The following RALGAPA2 variants were observed in gnomAD, a reference collection of about 807,000 sequenced individuals.
The protein encoded by RALGAPA2 is ral GTPase-activating protein subunit alpha-2.
A neutral mutation model predicts 230.4 loss-of-function variants in RALGAPA2; 139 were observed. That is an observed-to-expected ratio of 0.60 (90% CI 0.53 to 0.69). The LOEUF is 0.69. Among genes scored for constraint, RALGAPA2 ranks in the 30% least tolerant of loss-of-function variants. The pLI, the probability that RALGAPA2 is intolerant of heterozygous loss-of-function variation, is 0.00. For missense variants in RALGAPA2, 2,163 were observed against 2,276.0 expected (o/e 0.95, Z 1.01); for synonymous variants, 847 against 837.8 (o/e 1.01, Z -0.19).
At chr20:20,639,737 C>T (rs768811040) in intron 7 of RALGAPA2, 48 bp downstream of exon 7, 19 of 1,282,204 alleles carry the variant, frequency 1.5e-5, no homozygotes, top group Non-Finnish European at 2.0e-5. Context: ...TTTCCTCTTC[C>T]TGCTGAGAAT....
intron 37 of RALGAPA2, among the ~76,000 whole-genome samples, chr20:20,417,767 T>C (rs2060195047): frequency 6.6e-6 from 1 of 152,146 alleles, no homozygotes; most frequent in Non-Finnish European, 1.5e-5. Context: ...GCACCCCACA[T>C]AATATTTACT....
At position 20,472,831 on chromosome 20, in the gene RALGAPA2, G is replaced by A. The variant is rs1404833986; in HGVS notation, c.5493C>T (p.Ser1831=). 6.2e-7 allele frequency: 1 copy of A among 1,610,656 alleles called. No individual in the cohort carries two copies. The highest frequency in any genetic ancestry group is 8.5e-7 in the Non-Finnish European group (1 of 1,178,958). ...ACACATTTAAAGCAAAAAGATACAA[G>A]CTCTGGTAGAGTGGGATGAGGCACT... The part of the protein sequence containing the change: ...AVKCLIPLYQ[S]FYEERALYLE... The change falls in exon 37 of 40, where the codon AGC becomes AGT. Residue 1831 remains serine (S), a splice_region_variant and synonymous_variant. Coordinates refer to ENST00000202677, the MANE Select transcript of RALGAPA2 (RefSeq NM_020343.4).
At chr20:20,652,397 A>C (rs1420401536) in intron 4 of RALGAPA2, among the ~76,000 whole-genome samples, 1 of 152,088 alleles carries the variant, frequency 6.6e-6, no homozygotes, top group African/African-American at 2.4e-5. Flanking sequence ...CTTTTTTGTT[A>C]TCATCATACT....
chr20:20,632,254 TCTC>T (rs2066701519), intron 9 of RALGAPA2, among the ~76,000 whole-genome samples: 1 of 151,958 alleles, frequency 6.6e-6, no homozygotes, highest in South Asian at 2.1e-4. Flanking sequence ...ATGGTCTCGA[TCTC>T]CTGACCTCGT....
chr20:20,592,711 G>A (rs1602980943), intron 16 of RALGAPA2, among the ~76,000 whole-genome samples: 2 of 152,280 alleles, frequency 1.3e-5, no homozygotes, highest in East Asian at 3.9e-4. Flanking sequence ...CTGTCAATGG[G>A]CCACCCTCTG....
intron 37 of RALGAPA2, among the ~76,000 whole-genome samples, chr20:20,416,551 C>A (rs562554104): frequency 6.6e-6 from 1 of 152,304 alleles, no homozygotes; most frequent in African/African-American, 2.4e-5. Flanking sequence ...GAACTAAACT[C>A]CAAATGAGAC....
intron 37 of RALGAPA2, among the ~76,000 whole-genome samples, chr20:20,463,560 T>C (rs1033765208): frequency 1.3e-5 from 2 of 152,250 alleles, no homozygotes; most frequent in African/African-American, 4.8e-5. Flanking sequence ...ATTAGGATTA[T>C]AAAAAGTCTT....
intron 37 of RALGAPA2, among the ~76,000 whole-genome samples, chr20:20,465,587 T>C (rs1283255848): frequency 6.6e-6 from 1 of 152,180 alleles, no homozygotes; most frequent in Non-Finnish European, 1.5e-5. Context: ...ATCAGCCTGG[T>C]TTCTCCACAG....
chr20:20,551,344 A>C (rs890856801), intron 23 of RALGAPA2, among the ~76,000 whole-genome samples: 2 of 152,248 alleles, frequency 1.3e-5, no homozygotes, highest in African/African-American at 4.8e-5. Context: ...AAGATCTTTC[A>C]CAAGCTTTTG....
intron 10 of RALGAPA2, among the ~76,000 whole-genome samples, chr20:20,625,906 G>A (rs941828462): frequency 6.6e-6 from 1 of 152,152 alleles, no homozygotes; most frequent in Non-Finnish European, 1.5e-5. Context: ...TTCAGTTACT[G>A]TCTATTTCCA....
At chr20:20,470,101 T>C (rs1432983882) in intron 37 of RALGAPA2, among the ~76,000 whole-genome samples, 1 of 152,134 alleles carries the variant, frequency 6.6e-6, no homozygotes, top group Non-Finnish European at 1.5e-5. Flanking sequence ...CTATGTGCCT[T>C]TGCTGCAGAG....
rs973272748 is a variant in RALGAPA2 at position 20,583,244 on chromosome 20, C to A, written c.2531-18G>T. The A allele has an allele frequency of 6.4e-7, 1 of 1,571,914 alleles. No homozygotes were observed. Among genetic ancestry groups the A allele is most frequent in the Admixed American group, 1.9e-5 (1 of 52,082 alleles). On this transcript the variant is annotated intron_variant, in intron 19 of 39. Coordinates refer to ENST00000202677, the MANE Select transcript of RALGAPA2 (RefSeq NM_020343.4). ...ACTTTCACCTGGTACAATGGAAGAA[C>A]CAAAGTTTAAGATAAAAAATAGCTG... is the stretch of plus-strand genomic sequence containing the variant.
At chr20:20,571,714 A>C in intron 22 of RALGAPA2, 101 bp from the exon 23 acceptor site, 2 of 1,479,580 alleles carry the variant, frequency 1.4e-6, no homozygotes, top group Non-Finnish European at 9.2e-7. Flanking sequence ...GTTTATGGAC[A>C]TGTGGGATGC....
intron 1 of RALGAPA2, among the ~76,000 whole-genome samples, chr20:20,706,849 T>C (rs578155289): frequency 6.4e-4 from 97 of 152,218 alleles, no homozygotes; most frequent in Non-Finnish European, 1.3e-3. Context: ...GGCAGACAAG[T>C]AGCTATTCTC....
At chr20:20,435,124 G>A (rs746324246) in intron 37 of RALGAPA2, among the ~76,000 whole-genome samples, 1 of 152,222 alleles carries the variant, frequency 6.6e-6, no homozygotes, top group Non-Finnish European at 1.5e-5. Context: ...GAGGTGCAAG[G>A]TATCTAAAAG....
intron 9 of RALGAPA2, among the ~76,000 whole-genome samples, chr20:20,634,937 C>T (rs1230524485): frequency 1.3e-5 from 2 of 152,194 alleles, no homozygotes; most frequent in African/African-American, 4.8e-5. Context: ...GGGGCCCCAC[C>T]ATTGCTCAAC....
intron 35 of RALGAPA2, among the ~76,000 whole-genome samples, chr20:20,501,912 G>T (rs553608543): frequency 3.3e-5 from 5 of 152,270 alleles, no homozygotes; most frequent in African/African-American, 1.2e-4. Context: ...GGGAACGGCC[G>T]GTGGGTGGAG....
intron 3 of RALGAPA2, among the ~76,000 whole-genome samples, chr20:20,666,992 T>C (rs2067975798): frequency 6.6e-6 from 1 of 152,228 alleles, no homozygotes; most frequent in African/African-American, 2.4e-5. Flanking sequence ...AATCCTATTA[T>C]ATTCATAACT....
intron 16 of RALGAPA2, among the ~76,000 whole-genome samples, chr20:20,595,970 AAAAC>A (rs1004534964): frequency 6.6e-5 from 10 of 152,116 alleles, no homozygotes; most frequent in African/African-American, 1.7e-4. Context: ...AAACAAACAA[AAAAC>A]AAACAAACAA....
Sources: gnomAD v4.1 joint callset for allele counts (sites outside exome capture counted in the v4.1 genomes callset) on GRCh38, gnomAD v4.1.1 for gene constraint, MANE v1.5 for transcripts, NCBI Gene and HGNC (gene_info 2026-07-23, HGNC 2026-07-21) for gene names.